The following LRRC4C variants were observed in gnomAD, a reference collection of about 807,000 sequenced individuals.
LRRC4C encodes the protein leucine-rich repeat-containing protein 4C.
A neutral mutation model predicts 33.6 loss-of-function variants in LRRC4C; 5 were observed. The ratio of observed to expected loss-of-function variants is 0.15; its 90% CI spans 0.08 to 0.31. The LOEUF (loss-of-function observed/expected upper bound fraction) is 0.31. Ranked by LOEUF, LRRC4C falls within the 10% of genes least tolerant of loss-of-function variation. The pLI is 1.00. For missense variants in LRRC4C, 560 were observed against 796.7 expected (o/e 0.70, Z 3.58); for synonymous variants, 329 against 302.0 (o/e 1.09, Z -0.93).
At chr11:40,970,160 C>T (rs1565255370) in intron 1 of LRRC4C, among the ~76,000 whole-genome samples, 1 of 152,132 alleles carries the variant, frequency 6.6e-6, no homozygotes, top group Non-Finnish European at 1.5e-5. Flanking sequence ...TCTAGCGAAC[C>T]TCAAACCAAG....
chr11:41,095,977 C>T (rs1940783371), intron 1 of LRRC4C, among the ~76,000 whole-genome samples: 1 of 152,106 alleles, frequency 6.6e-6, no homozygotes, highest in Admixed American at 6.6e-5. Flanking sequence ...ATTCACTCAA[C>T]ACTGAATGAG....
intron 4 of LRRC4C, among the ~76,000 whole-genome samples, chr11:40,276,190 G>GA (rs1357708676): frequency 6.6e-6 from 1 of 152,082 alleles, no homozygotes; most frequent in East Asian, 1.9e-4. Context: ...AGATGGGCTG[G>GA]AAAGAGAAGG....
intron 2 of LRRC4C, among the ~76,000 whole-genome samples, chr11:40,872,390 T>A (rs907569787): frequency 1.3e-5 from 2 of 152,120 alleles, no homozygotes; most frequent in African/African-American, 4.8e-5. Flanking sequence ...TATGAGCTCA[T>A]TATTGGTCCA....
intron 6 of LRRC4C, among the ~76,000 whole-genome samples, chr11:40,139,140 G>A (rs1231700433): frequency 6.6e-6 from 1 of 152,154 alleles, no homozygotes; most frequent in Non-Finnish European, 1.5e-5. Flanking sequence ...CGAGAACTGA[G>A]GGGAAAAGAG....
chr11:41,401,595 A>C (rs1954028539), intron 1 of LRRC4C, among the ~76,000 whole-genome samples: 1 of 151,922 alleles, frequency 6.6e-6, no homozygotes, highest in Non-Finnish European at 1.5e-5. Context: ...GGCAAAGGAC[A>C]ATGGAAACAG....
chr11:41,037,965 A>G (rs528685130), intron 1 of LRRC4C, among the ~76,000 whole-genome samples: 1 of 152,310 alleles, frequency 6.6e-6, no homozygotes, highest in Non-Finnish European at 1.5e-5. Context: ...CTAAAGCTCA[A>G]TTATTCTTCA....
intron 1 of LRRC4C, among the ~76,000 whole-genome samples, chr11:41,393,290 G>C (rs1953676356): frequency 6.6e-6 from 1 of 151,854 alleles, no homozygotes; most frequent in African/African-American, 2.4e-5. Context: ...ATAGATGCTG[G>C]GGTTGCTCAA....
At chr11:40,961,099 G>A (rs1850946305) in intron 1 of LRRC4C, among the ~76,000 whole-genome samples, 1 of 151,698 alleles carries the variant, frequency 6.6e-6, no homozygotes, top group African/African-American at 2.4e-5. Context: ...AGATGGAAGG[G>A]TGGAAAGGTT....
chr11:41,109,319 G>A (rs555144644), intron 1 of LRRC4C, among the ~76,000 whole-genome samples: 1 of 152,100 alleles, frequency 6.6e-6, no homozygotes, highest in Admixed American at 6.6e-5. Flanking sequence ...TGCCTTCACT[G>A]TTTGTCTTTT....
intron 3 of LRRC4C, among the ~76,000 whole-genome samples, chr11:40,603,540 G>A (rs1960242290): frequency 6.6e-6 from 1 of 152,190 alleles, no homozygotes; most frequent in Non-Finnish European, 1.5e-5. Context: ...CAGAGCAGAT[G>A]GTGGCTAAAT....
intron 2 of LRRC4C, among the ~76,000 whole-genome samples, chr11:40,859,624 A>T (rs1380234983): frequency 6.6e-6 from 1 of 152,166 alleles, no homozygotes; most frequent in Non-Finnish European, 1.5e-5. Flanking sequence ...ATAAAATTCA[A>T]AAAAAGAGAA....
At chr11:40,673,919 A>G (rs957213821) in intron 2 of LRRC4C, among the ~76,000 whole-genome samples, 2 of 152,160 alleles carry the variant, frequency 1.3e-5, no homozygotes. Context: ...GCAATGCACC[A>G]TTGTATATTC....
intron 1 of LRRC4C, among the ~76,000 whole-genome samples, chr11:41,379,337 G>A (rs1346581146): frequency 2.6e-5 from 4 of 152,100 alleles, no homozygotes; most frequent in Admixed American, 6.6e-5. Flanking sequence ...TTCCTGTAGA[G>A]TTCTCTATTC....
chr11:40,345,533 T>C (rs772725896), intron 3 of LRRC4C, among the ~76,000 whole-genome samples: 1 of 152,148 alleles, frequency 6.6e-6, no homozygotes, highest in Non-Finnish European at 1.5e-5. Flanking sequence ...CCTTATGCTA[T>C]ATACAAAAAT....
chr11:41,405,223 T>C (rs772814599), intron 1 of LRRC4C, among the ~76,000 whole-genome samples: 2 of 152,116 alleles, frequency 1.3e-5, no homozygotes, highest in African/African-American at 2.4e-5. Context: ...TTATCACTGC[T>C]CTTGTAAGTC....
chr11:40,740,049 T>G (rs1197444952), intron 2 of LRRC4C, among the ~76,000 whole-genome samples: 1 of 151,978 alleles, frequency 6.6e-6, no homozygotes, highest in East Asian at 1.9e-4. Context: ...ATTAACATTT[T>G]CTATCCATTT....
At chr11:40,465,932 C>T (rs528841451) in intron 3 of LRRC4C, among the ~76,000 whole-genome samples, 2 of 151,780 alleles carry the variant, frequency 1.3e-5, no homozygotes, top group African/African-American at 2.4e-5. Flanking sequence ...GGGTATCTAC[C>T]CAAAGGAAAA....
intron 1 of LRRC4C, among the ~76,000 whole-genome samples, chr11:41,111,541 G>A (rs114459475): frequency 1.6e-4 from 25 of 152,046 alleles, no homozygotes; most frequent in South Asian, 4.1e-4. Flanking sequence ...TGGCAAAGAC[G>A]AGGAAAAAAG....
chr11:40,225,349 G>A (rs1025486942), intron 5 of LRRC4C, among the ~76,000 whole-genome samples: 1 of 152,164 alleles, frequency 6.6e-6, no homozygotes, highest in Non-Finnish European at 1.5e-5. Context: ...AGGTGAGCTA[G>A]GGAAAATGGA....
Sources: allele counts gnomAD v4.1 joint callset (sites outside exome capture counted in the v4.1 genomes callset), GRCh38; gene constraint gnomAD v4.1.1; transcripts MANE v1.5; gene names NCBI Gene and HGNC (gene_info 2026-07-23, HGNC 2026-07-21).